Variants in C2CD2 observed in about 807,000 individuals in gnomAD.
C2CD2 encodes the protein C2 domain-containing protein 2.
In C2CD2, 43 loss-of-function variants were observed where a neutral mutation model predicts 74.3. That is an observed-to-expected ratio of 0.58 (90% CI 0.45 to 0.75). The LOEUF (loss-of-function observed/expected upper bound fraction) is 0.75, where lower values mean the gene tolerates loss of function less well. Among genes scored for constraint, C2CD2 ranks in the 30% least tolerant of loss-of-function variants. The pLI is 0.00. For synonymous variants in C2CD2, 422 were observed against 390.7 expected (o/e 1.08, Z -0.94); for missense variants, 801 against 916.3 (o/e 0.87, Z 1.63).
intron 7 of C2CD2, among the ~76,000 whole-genome samples, chr21:41,911,948 C>T (rs866669508): frequency 1.3e-5 from 2 of 152,160 alleles, no homozygotes; most frequent in African/African-American, 4.8e-5. Flanking sequence ...GCGATTCTCC[C>T]GTCTCTGCCA....
rs3169 is a variant in C2CD2, at chr21:41,885,354, G to C, written c.*3770C>G. On this transcript the variant is annotated 3_prime_UTR_variant, in exon 14 of 14. Coordinates refer to ENST00000380486, the MANE Select transcript of C2CD2 (RefSeq NM_015500.2). ...TCTTCTCTTTTTACAATGCAGTTTC[G>C]ACATAACATTGGTAGAGTAAACAAC... 3.3e-5 allele frequency: 5 copies of C among 152,444 alleles called. No homozygotes were observed. The highest frequency in any genetic ancestry group is 1.2e-4 in the African/African-American group (5 of 41,400). The allele number at this position is 152,444 out of a possible 1,614,324, so 9.4% of individuals were successfully genotyped here. A position where few individuals can be genotyped will look rare whatever the true frequency, so the allele number is the denominator to read the frequency against.
In C2CD2 at chr21:41,907,693, G is replaced by A. The variant is rs1428619741; in HGVS notation, c.1110C>T (p.Cys370=). The A allele has an allele frequency of 6.2e-6, 10 of 1,612,458 alleles. No individual in the cohort carries two copies. The highest frequency in any genetic ancestry group is 1.7e-5 in the Admixed American group (1 of 60,006). ...TGACCGAGCCCAGCACCGAGCTGCC[G>A]CAGGCAGACCCGCTGGTCAGCGTGA... is the stretch of plus-strand genomic sequence containing the variant. ...QSFTLTSGSA[C]GSSVLGSVTA... The change falls in exon 9 of 14, where the codon TGC becomes TGT. Residue 370 remains cysteine, a synonymous_variant. Transcript: ENST00000380486.
intron 9 of C2CD2, 59 bp downstream of exon 9, chr21:41,907,601 C>G: frequency 6.4e-7 from 1 of 1,570,536 alleles, no homozygotes. Flanking sequence ...TAAGTGAAGA[C>G]GCTCCTTGGG....
chr21:41,896,397 G>A (rs17766637), intron 13 of C2CD2, among the ~76,000 whole-genome samples: 9,044 of 152,096 alleles, frequency 0.059, 374 homozygotes, highest in South Asian at 0.095. Context: ...ATTTGGCAAG[G>A]TTTCTTACTG....
chr21:41,933,406 A>C (rs571793086), intron 2 of C2CD2, among the ~76,000 whole-genome samples: 48 of 152,328 alleles, frequency 3.2e-4, no homozygotes, highest in African/African-American at 1.2e-3. Context: ...CCGCTGCCCT[A>C]CACGGCAGTT....
chr21:41,951,351 G>A (rs2065449051), intron 1 of C2CD2, among the ~76,000 whole-genome samples: 1 of 152,070 alleles, frequency 6.6e-6, no homozygotes, highest in African/African-American at 2.4e-5. Flanking sequence ...TCAGGGCTGT[G>A]TTCCCCCACC....
chr21:41,926,986 G>GA lies in C2CD2; in HGVS notation c.379-4902dup, dbSNP rs1434734326. Among the ~76,000 whole-genome samples, 1 of 152,148 alleles carries GA rather than the reference G, an allele frequency of 6.6e-6. No homozygotes were observed. The highest frequency in any genetic ancestry group is 1.9e-4 in the East Asian group (1 of 5,200). On this transcript the variant is annotated intron_variant, in intron 2 of 13. Coordinates refer to ENST00000380486, the MANE Select transcript of C2CD2 (RefSeq NM_015500.2). This position sits in a 1 kb window ranked among gnomAD's most constrained non-coding sequence, Gnocchi z 8.0. ...AGATGTCTTTCCCCACTCTGCAAGC[G>GA]AGTCTCACCTCTGTAAATATCCTTT...
At chr21:41,933,775 G>C (rs1486116169) in intron 2 of C2CD2, among the ~76,000 whole-genome samples, 2 of 152,200 alleles carry the variant, frequency 1.3e-5, no homozygotes, top group Non-Finnish European at 2.9e-5. Context: ...CCCCGTGAAA[G>C]GGGAGGGGAG....
intron 2 of C2CD2, among the ~76,000 whole-genome samples, chr21:41,928,566 A>AAAAT (rs2065236344): frequency 6.6e-6 from 1 of 150,474 alleles, no homozygotes; most frequent in African/African-American, 2.5e-5. Flanking sequence ...AAAAAAAAAA[A>AAAAT]AAGACAACTG....
intron 1 of C2CD2, among the ~76,000 whole-genome samples, chr21:41,949,093 A>C (rs2065429204): frequency 6.6e-6 from 1 of 151,904 alleles, no homozygotes; most frequent in Admixed American, 6.6e-5. Context: ...TCGCTTCGGG[A>C]CAGGTGCTGC....
At chr21:41,940,976 GAAAT>G (rs1458140297) in intron 2 of C2CD2, among the ~76,000 whole-genome samples, 1 of 151,822 alleles carries the variant, frequency 6.6e-6, no homozygotes, top group Non-Finnish European at 1.5e-5. Context: ...CCAAGAGTAA[GAAAT>G]ATATAATGAT....
Position 41,892,601 on chromosome 21 carries a change from G to A in C2CD2, c.1871-3257C>T, listed in dbSNP as rs1021491671. ...AACAACAGGCCTCTAAGGACAACAG[G>A]CGTGCAGGCCCTTCCTGGAGAATCT... On this transcript the variant is annotated intron_variant, in intron 13 of 13. Transcript: ENST00000380486. This position sits in a 1 kb window ranked among gnomAD's most constrained non-coding sequence, Gnocchi z 4.6. Among the ~76,000 whole-genome samples the A allele has an allele frequency of 1.3e-5, 2 of 152,200 alleles. No individual in the cohort carries two copies. Among genetic ancestry groups the A allele is most frequent in the African/African-American group, 4.8e-5 (2 of 41,454 alleles).
In C2CD2 at chr21:41,953,730, G is replaced by C. The variant is rs985208357; in HGVS notation, c.-82C>G. On this transcript the variant is annotated 5_prime_UTR_variant, in exon 1 of 14. Transcript: ENST00000380486. ...CGGACTCAGGACACGCGCTGGCTGC[G>C]GCCACAGCGCGCTGGGGGCGTGGAG... 76 of 1,230,384 alleles carry C rather than the reference G, an allele frequency of 6.2e-5. No homozygotes were observed. Among genetic ancestry groups the C allele is most frequent in the Middle Eastern group, 3.2e-4 (1 of 3,170 alleles). The allele number at this position is 1,230,384 out of a possible 1,614,324, so 76.2% of individuals were successfully genotyped here.
intron 12 of C2CD2, among the ~76,000 whole-genome samples, chr21:41,900,036 C>T (rs1174755757): frequency 6.6e-6 from 1 of 152,050 alleles, no homozygotes; most frequent in Non-Finnish European, 1.5e-5. Flanking sequence ...GACAACTGTG[C>T]TGTTCTGACT....
chr21:41,942,068 A>G (rs2065358788), intron 2 of C2CD2, 79 bp downstream of exon 2: 10 of 1,502,134 alleles, frequency 6.7e-6, no homozygotes, highest in Admixed American at 4.5e-5. Context: ...CGCATTTTCA[A>G]TGATTCTAAA....
intron 13 of C2CD2, among the ~76,000 whole-genome samples, chr21:41,898,306 A>G (rs538056143): frequency 6.6e-6 from 1 of 152,262 alleles, no homozygotes; most frequent in Non-Finnish European, 1.5e-5. Context: ...GGGCGCAGGC[A>G]GCGGCCATGC....
At chr21:41,948,352 G>A (rs1043462386) in intron 1 of C2CD2, among the ~76,000 whole-genome samples, 5 of 152,252 alleles carry the variant, frequency 3.3e-5, no homozygotes, top group South Asian at 2.1e-4. Flanking sequence ...TCACAATGCC[G>A]GGAGCTGACC....
At chr21:41,935,690 A>G (rs553065243) in intron 2 of C2CD2, among the ~76,000 whole-genome samples, 1 of 152,240 alleles carries the variant, frequency 6.6e-6, no homozygotes, top group Non-Finnish European at 1.5e-5. Context: ...CGTCTCTACT[A>G]AAAATACAAA....
intron 11 of C2CD2, among the ~76,000 whole-genome samples, chr21:41,904,746 C>T (rs1032533029): frequency 2.0e-5 from 3 of 152,214 alleles, no homozygotes; most frequent in Admixed American, 1.3e-4. Flanking sequence ...ACTCCCCTGA[C>T]TGCCCCACCT....
Sources: gnomAD v4.1 joint callset for allele counts (sites outside exome capture counted in the v4.1 genomes callset) on GRCh38, gnomAD v4.1.1 for gene constraint, Gnocchi (gnomAD v3.1) non-coding constraint, MANE v1.5 for transcripts, NCBI Gene and HGNC (gene_info 2026-07-23, HGNC 2026-07-21) for gene names.